Variants in TEX9 observed in about 807,000 individuals in gnomAD.
TEX9 encodes the protein testis-expressed protein 9.
Under a neutral mutation model 59.6 loss-of-function variants are expected in TEX9, and 74 were observed. The ratio of observed to expected loss-of-function variants is 1.24; its 90% CI spans 1.03 to 1.51. TEX9 has a LOEUF of 1.51. TEX9 is among the 40% of genes most tolerant of loss of function. The pLI, the probability that TEX9 is intolerant of heterozygous loss-of-function variation, is 0.00. For synonymous variants in TEX9, 186 were observed against 152.2 expected, an observed-to-expected ratio of 1.22 and a Z score of -1.64; for missense variants, 522 against 447.8, an observed-to-expected ratio of 1.17 and a Z score of -1.49.
upstream of TEX9, among the ~76,000 whole-genome samples, chr15:56,364,065 C>T (rs981596519): frequency 2.0e-5 from 3 of 152,018 alleles, no homozygotes; most frequent in African/African-American, 7.2e-5. Context: ...TCCCCTCTTC[C>T]TGTGGTCTTG....
chr15:56,454,637 T>G, the TEX9 span, among the ~76,000 whole-genome samples: 14 of 152,162 alleles, frequency 9.2e-5, no homozygotes, highest in Admixed American at 7.2e-4. Context: ...GTGAAAGTAC[T>G]GTTTTCATTA....
intron 9 of TEX9, among the ~76,000 whole-genome samples, chr15:56,402,294 A>G (rs754297591): frequency 2.0e-5 from 3 of 152,220 alleles, no homozygotes; most frequent in Non-Finnish European, 4.4e-5. Flanking sequence ...ATAAAAAATG[A>G]TAAAGGGGAT....
chr15:56,408,831 C>T (rs1186584848), intron 9 of TEX9: 1 of 152,250 alleles, frequency 6.6e-6, no homozygotes, highest in African/African-American at 2.4e-5. Context: ...GCCCAAGCCA[C>T]TATCTTTTAT....
chr15:56,420,600 G>T (rs1442307992), intron 10 of TEX9, among the ~76,000 whole-genome samples: 1 of 151,798 alleles, frequency 6.6e-6, no homozygotes, highest in Non-Finnish European at 1.5e-5. Flanking sequence ...GAGCCATCAC[G>T]CCTGGCCTCT....
At chr15:56,435,877 A>C (rs1439967524) in intron 12 of TEX9, among the ~76,000 whole-genome samples, 1 of 152,096 alleles carries the variant, frequency 6.6e-6, no homozygotes, top group Non-Finnish European at 1.5e-5. Flanking sequence ...TTCCTCGTGA[A>C]TATGGATGCA....
intron 2 of TEX9, among the ~76,000 whole-genome samples, chr15:56,366,308 C>G (rs527360604): frequency 3.3e-5 from 5 of 152,276 alleles, no homozygotes; most frequent in South Asian, 2.1e-4. Context: ...AAGCTCTGAT[C>G]GATGTGGCTC....
chr15:56,349,173 G>C (rs1485068602), intron 1 of TEX9, among the ~76,000 whole-genome samples: 1 of 151,980 alleles, frequency 6.6e-6, no homozygotes, highest in Non-Finnish European at 1.5e-5. Flanking sequence ...TTATTTCTTT[G>C]TATGTCAAGT....
chr15:56,351,130 G>A (rs1256321730), intron 1 of TEX9, among the ~76,000 whole-genome samples: 1 of 152,186 alleles, frequency 6.6e-6, no homozygotes, highest in Non-Finnish European at 1.5e-5. Flanking sequence ...CATAATTCAA[G>A]AGTGAGTCTT....
At chr15:56,453,863 T>A in the TEX9 span, among the ~76,000 whole-genome samples, 1 of 152,306 alleles carries the variant, frequency 6.6e-6, no homozygotes, top group African/African-American at 2.4e-5. Context: ...AATGATTTTT[T>A]AAATGTGCCG....
At position 56,365,559 on chromosome 15, in the gene TEX9, A is replaced by G. The variant is rs2046902217; in HGVS notation, c.28-20A>G. The stretch of plus-strand genomic sequence containing the variant: ...AACTTCCTTTAACTTCGGGTCTGAA[A>G]GTCTGTGGCTCTTTTACAGAGAAGC... On this transcript the variant is annotated intron_variant, in intron 1 of 12. Coordinates refer to ENST00000352903, the Ensembl canonical transcript of TEX9. The G allele has an allele frequency of 1.2e-6, 2 of 1,614,098 alleles. No individual in the cohort carries two copies.
At chr15:56,272,789 A>G (rs2718939) in intron 1 of TEX9, among the ~76,000 whole-genome samples, 16,120 of 152,188 alleles carry the variant, frequency 0.11, 1,517 homozygotes, top group East Asian at 0.47. Context: ...CATCATTTAC[A>G]TTAAATGAAA....
At chr15:56,283,048 TG>T (rs1555430698) in intron 1 of TEX9, among the ~76,000 whole-genome samples, 1 of 69,930 alleles carries the variant, frequency 1.4e-5, no homozygotes, top group South Asian at 6.8e-4. Flanking sequence ...GTACATTGTG[TG>T]GTGTGTGTGT....
upstream of TEX9, chr15:56,365,376 G>A: frequency 6.5e-7 from 1 of 1,550,290 alleles, no homozygotes; most frequent in Non-Finnish European, 8.7e-7. Flanking sequence ...CGCCCGGGCG[G>A]GAGGCAACCG....
chr15:56,248,233 T>G (rs1238614878), intron 1 of TEX9, among the ~76,000 whole-genome samples: 2 of 152,180 alleles, frequency 1.3e-5, no homozygotes, highest in Admixed American at 1.3e-4. Flanking sequence ...CAGAACTAAG[T>G]TAATATTGGC....
chr15:56,300,408 A>G (rs2045317341), intron 1 of TEX9, among the ~76,000 whole-genome samples: 1 of 152,088 alleles, frequency 6.6e-6, no homozygotes, highest in African/African-American at 2.4e-5. Context: ...CTTATATGGC[A>G]TTTCTGGACC....
intron 1 of TEX9, among the ~76,000 whole-genome samples, chr15:56,298,087 A>C (rs1019637579): frequency 6.6e-6 from 1 of 152,252 alleles, no homozygotes. Flanking sequence ...GCTTCTGCCC[A>C]TGTTGATTAT....
intron 9 of TEX9, among the ~76,000 whole-genome samples, chr15:56,401,009 A>G (rs910364572): frequency 1.3e-5 from 2 of 152,186 alleles, no homozygotes; most frequent in Non-Finnish European, 2.9e-5. Context: ...AACAACTGGT[A>G]CCAGCCACTG....
rs147742648 is a variant in TEX9, at chr15:56,371,720, T to G, written c.120-1721T>G. On this transcript the variant is annotated intron_variant, in intron 2 of 12. Transcript: ENST00000352903. ...ACCTTTACTAGTTTCGAGTTTTGAT[T>G]GATTCCACGTCAGCTTTCTTCTATT... Among the ~76,000 whole-genome samples, 416 of 152,324 alleles carry G rather than the reference T, an allele frequency of 2.7e-3. 4 individuals carry two copies. Among genetic ancestry groups the G allele is most frequent in the African/African-American group, 9.5e-3 (396 of 41,570 alleles).
chr15:56,398,825 T>C (rs2048614878), intron 9 of TEX9, among the ~76,000 whole-genome samples: 1 of 152,120 alleles, frequency 6.6e-6, no homozygotes, highest in Non-Finnish European at 1.5e-5. Flanking sequence ...CCAGACAAAA[T>C]GCATTTTATA....
Sources: gnomAD v4.1 joint callset for allele counts (sites outside exome capture counted in the v4.1 genomes callset) on GRCh38, gnomAD v4.1.1 for gene constraint, MANE v1.5 for transcripts, NCBI Gene and HGNC (gene_info 2026-07-23, HGNC 2026-07-21) for gene names.